MPP2: variants seen among roughly 807,000 people sequenced by gnomAD.
The protein encoded by MPP2 is MAGUK p55 scaffold protein 2, also known as MAGUK p55 subfamily member 2.
Under a neutral mutation model 58.5 loss-of-function variants are expected in MPP2, and 42 were observed. The observed-to-expected ratio is 0.72, with a 90% CI of 0.56 to 0.93. The LOEUF is 0.93. Ranked by LOEUF, MPP2 falls within the 40% of genes least tolerant of loss-of-function variation. The pLI, the probability that MPP2 is intolerant of heterozygous loss-of-function variation, is 0.00. For missense variants in MPP2, 632 were observed against 760.4 expected (o/e 0.83, Z 1.99); for synonymous variants, 300 against 307.8 (o/e 0.97, Z 0.26).
At chr17:43,882,756 C>T (rs78528207) in intron 5 of MPP2, 147 bp downstream of exon 5, 15 of 1,245,602 alleles carry the variant, frequency 1.2e-5, no homozygotes, top group African/African-American at 3.0e-5. Context: ...GGTCTTCCCC[C>T]GACCCTTTGC....
chr17:43,879,437 C>G lies in MPP2; in HGVS notation c.1354-34G>C, dbSNP rs375881722. ...GGAGAAGGCAAGGTAGGGAGTATAT[C>G]CCCATGTCTGTCCTAGGAACCAGAG... On this transcript the variant is annotated intron_variant, in intron 11 of 12. Coordinates refer to ENST00000269095, the MANE Select transcript of MPP2 (RefSeq NM_005374.5). The surrounding 1 kb of genome is among the most constrained non-coding windows in gnomAD (Gnocchi z 4.1). 6.2e-7 allele frequency: 1 copy of G among 1,611,116 alleles called. No individual in the cohort carries two copies. Among genetic ancestry groups the G allele is most frequent in the Non-Finnish European group, 8.5e-7 (1 of 1,177,942 alleles).
intron 3 of MPP2, among the ~76,000 whole-genome samples, chr17:43,896,913 C>A (rs1201281970): frequency 6.6e-6 from 1 of 152,040 alleles, no homozygotes; most frequent in Non-Finnish European, 1.5e-5. Flanking sequence ...GGCACCATCC[C>A]CACCTCCCCC....
rs1243220753 is a variant in MPP2 at position 43,876,267 on chromosome 17, C to T, written c.*1540G>A. On this transcript the variant is annotated 3_prime_UTR_variant, in exon 13 of 13. Transcript: ENST00000269095. ...GACGCTGCAGCGAAGACTAGTTAGA[C>T]ACTTGGAAGAACTGGGAGGCACAAG... is the stretch of plus-strand genomic sequence containing the variant. 6.6e-6 allele frequency: 1 copy of T among 152,650 alleles called. No individual in the cohort carries two copies. The highest frequency in any genetic ancestry group is 1.5e-5 in the Non-Finnish European group (1 of 68,068). The allele number at this position is 152,650 out of a possible 1,614,324, so 9.5% of individuals were successfully genotyped here.
intron 3 of MPP2, among the ~76,000 whole-genome samples, chr17:43,885,479 C>T (rs1306069572): frequency 2.0e-5 from 3 of 152,146 alleles, no homozygotes; most frequent in African/African-American, 7.2e-5. Context: ...ACACTCAATA[C>T]CCATTGTTTC....
chr17:43,897,315 C>G (rs1198487442), intron 3 of MPP2, among the ~76,000 whole-genome samples: 3 of 152,152 alleles, frequency 2.0e-5, no homozygotes, highest in African/African-American at 7.2e-5. Context: ...AACCCCATCT[C>G]TACTAAAACT....
intron 3 of MPP2, among the ~76,000 whole-genome samples, chr17:43,894,373 T>A (rs1196160267): frequency 7.1e-6 from 1 of 141,088 alleles, no homozygotes; most frequent in Non-Finnish European, 1.5e-5. Context: ...GCTGAGATTG[T>A]GCCACTGCAC....
At position 43,880,490 on chromosome 17, in the gene MPP2, CT is replaced by C. The variant is rs1224695020; in HGVS notation, c.1150+200del. Among the ~76,000 whole-genome samples, 2 of 152,242 alleles carry C rather than the reference CT, an allele frequency of 1.3e-5. No individual in the cohort carries two copies. Among genetic ancestry groups the C allele is most frequent in the African/African-American group, 4.8e-5 (2 of 41,462 alleles). On this transcript the variant is annotated intron_variant, in intron 10 of 12. Transcript: ENST00000269095. The surrounding 1 kb of genome is among the most constrained non-coding windows in gnomAD (Gnocchi z 5.2). ...ACGCCAGCCCAGCCCGCTAGGCCAC[CT>C]GTTGGCTGGACACCTCCCTCACCCT...
rs1259964260 is a variant in MPP2 at position 43,880,479 on chromosome 17, C to G, written c.1150+212G>C. Among the ~76,000 whole-genome samples the G allele has an allele frequency of 1.3e-5, 2 of 152,212 alleles. No individual in the cohort carries two copies. Among genetic ancestry groups the G allele is most frequent in the African/African-American group, 2.4e-5 (1 of 41,450 alleles). ...AAGGAAAGTGGACGCCAGCCCAGCC[C>G]GCTAGGCCACCTGTTGGCTGGACAC... On this transcript the variant is annotated intron_variant, in intron 10 of 12. Coordinates refer to ENST00000269095, the MANE Select transcript of MPP2 (RefSeq NM_005374.5). The surrounding 1 kb of genome is among the most constrained non-coding windows in gnomAD (Gnocchi z 5.2).
chr17:43,908,272 A>G (rs1186250231), upstream of MPP2, among the ~76,000 whole-genome samples: 1 of 152,218 alleles, frequency 6.6e-6, no homozygotes, highest in African/African-American at 2.4e-5. Context: ...CTGCTAGTAA[A>G]AGATGCTGGG....
At chr17:43,878,634 T>G (rs124722) in intron 12 of MPP2, among the ~76,000 whole-genome samples, 120,306 of 152,186 alleles carry the variant, frequency 0.79, 48,863 homozygotes, top group East Asian at 1. Flanking sequence ...GGCAGAAGGG[T>G]GCCAGCCTAG....
rs1212192810 is a variant in MPP2, at chr17:43,880,037, C to T, written c.1151-53G>A. 6.4e-7 allele frequency: 1 copy of T among 1,566,280 alleles called. No homozygotes were observed. Among genetic ancestry groups the T allele is most frequent in the Non-Finnish European group, 8.8e-7 (1 of 1,138,760 alleles). ...AATGGGCAGGGGCAGGTTACAGTGCCTCAGACACATATATGCACCCCTACC... is the reference window on the plus strand; with the variant it reads ...AATGGGCAGGGGCAGGTTACAGTGCTTCAGACACATATATGCACCCCTACC... On this transcript the variant is annotated intron_variant, in intron 10 of 12. Coordinates refer to ENST00000269095, the MANE Select transcript of MPP2 (RefSeq NM_005374.5). This position sits in a 1 kb window ranked among gnomAD's most constrained non-coding sequence, Gnocchi z 5.2.
intron 3 of MPP2, among the ~76,000 whole-genome samples, chr17:43,892,242 C>T (rs1021226373): frequency 6.6e-6 from 1 of 152,250 alleles, no homozygotes; most frequent in Admixed American, 6.5e-5. Context: ...GAGTCAAGCC[C>T]AGCTCCACAG....
upstream of MPP2, chr17:43,907,821 T>C: frequency 2.0e-6 from 2 of 985,394 alleles, no homozygotes; most frequent in Non-Finnish European, 2.4e-6. Context: ...GGGGCGATGG[T>C]AAAAGTGCCT....
chr17:43,882,232 C>G (rs2047162905), intron 6 of MPP2, 52 bp downstream of exon 6: 15 of 1,519,826 alleles, frequency 9.9e-6, no homozygotes, highest in Non-Finnish European at 1.3e-5. Context: ...GCAACCTTGA[C>G]AGCCAGGAGG....
At chr17:43,884,207 A>T in intron 3 of MPP2, 1 of 683,678 alleles carries the variant, frequency 1.5e-6, no homozygotes, top group Non-Finnish European at 2.7e-6. Flanking sequence ...GACAGTCCAC[A>T]TTCAAATGTT....
chr17:43,875,704 G>C lies in MPP2; in HGVS notation c.*2103C>G, dbSNP rs1207849128. ...GGGAGGTAGGAGGCTGCTCAGAGAG[G>C]AAAGACCGAGAAGAGACAGGAGGGA... On this transcript the variant is annotated 3_prime_UTR_variant, in exon 13 of 13. Coordinates refer to ENST00000269095, the MANE Select transcript of MPP2 (RefSeq NM_005374.5). The C allele has an allele frequency of 6.6e-6, 1 of 152,490 alleles. No homozygotes were observed. The highest frequency in any genetic ancestry group is 1.9e-4 in the East Asian group (1 of 5,178). The allele number at this position is 152,490 out of a possible 1,614,324, so 9.4% of individuals were successfully genotyped here.
intron 3 of MPP2, among the ~76,000 whole-genome samples, chr17:43,895,149 G>A (rs999833982): frequency 4.6e-5 from 7 of 151,202 alleles, no homozygotes; most frequent in African/African-American, 9.7e-5. Context: ...TGTCTCACTC[G>A]GTCACCCAGG....
In MPP2 at chr17:43,898,394, C is replaced by A. The variant is rs138717784; in HGVS notation, c.32-14G>T. On this transcript the variant is annotated splice_polypyrimidine_tract_variant and intron_variant, in intron 2 of 12. Transcript: ENST00000269095. ...CTTGCTGCATGGCTGGGGGAAGGTA[C>A]GGGCAGTGAGATACACAGGTACCAG... 10 of 1,595,396 alleles carry A rather than the reference C, an allele frequency of 6.3e-6. No homozygotes were observed. In the East Asian group the frequency reaches 2.0e-4, roughly 32 times the overall value.
chr17:43,881,552 C>T lies in MPP2; in HGVS notation c.719G>A (p.Arg240Gln), dbSNP rs755557995. ...VKCHFDYDPA[R>Q]DSLIPCKEAG... ...TTCCTTGCAGGGGATGAGGCTGTCT[C>T]GGGCCGGGTCATAGTCAAAGTGACA... The change falls in exon 7 of 13, where the codon CGA becomes CAA. Residue 240 changes from arginine (R) to glutamine (Q), a missense_variant. Physicochemically the swap from Arg to Gln is conservative, Grantham distance 43. Coordinates refer to ENST00000269095, the MANE Select transcript of MPP2 (RefSeq NM_005374.5). 19 of 1,613,812 alleles carry T rather than the reference C, an allele frequency of 1.2e-5. No individual in the cohort carries two copies. The highest frequency in any genetic ancestry group is 9.9e-5 in the South Asian group (9 of 91,074).
Sources: gnomAD v4.1 joint callset for allele counts (sites outside exome capture counted in the v4.1 genomes callset) on GRCh38, gnomAD v4.1.1 for gene constraint, Gnocchi (gnomAD v3.1) non-coding constraint, MANE v1.5 for transcripts, NCBI Gene and HGNC (gene_info 2026-07-23, HGNC 2026-07-21) for gene names.